Variants in ZNF324B observed in about 807,000 individuals in gnomAD.
The protein encoded by ZNF324B is zinc finger protein 324B.
Under a neutral mutation model 10.6 loss-of-function variants are expected in ZNF324B, and 7 were observed. The ratio of observed to expected loss-of-function variants is 0.66; its 90% CI spans 0.38 to 1.24. The LOEUF (loss-of-function observed/expected upper bound fraction) is 1.24. Ranked by LOEUF, ZNF324B falls within the 50% of genes most tolerant of loss-of-function variation. The probability of loss-of-function intolerance (pLI) is 0.02; values close to 1 mark genes in which losing one functional copy is unlikely to be tolerated. For missense variants in ZNF324B, 640 were observed against 764.7 expected, an observed-to-expected ratio of 0.84 and a Z score of 1.92; for synonymous variants, 316 against 321.0, an observed-to-expected ratio of 0.98 and a Z score of 0.17.
the ZNF324B span, chr19:58,437,158 C>T: frequency 6.2e-7 from 1 of 1,613,984 alleles, no homozygotes; most frequent in African/African-American, 1.3e-5. Flanking sequence ...GCCACATCTT[C>T]AAAGGTTACC....
At chr19:58,434,840 G>C in the ZNF324B span, 1 of 1,614,192 alleles carries the variant, frequency 6.2e-7, no homozygotes. Context: ...CAGCTGCCCA[G>C]GATGACCTTC....
chr19:58,443,752 G>A, the ZNF324B span: 1 of 152,242 alleles, frequency 6.6e-6, no homozygotes, highest in Non-Finnish European at 1.5e-5. Flanking sequence ...GAGTCCCAGT[G>A]GGCACTGACA....
the ZNF324B span, chr19:58,437,803 A>G: frequency 1.0e-6 from 1 of 985,422 alleles, no homozygotes; most frequent in Non-Finnish European, 1.2e-6. Context: ...AGAGGCAGTC[A>G]TAGCCCCTCA....
the ZNF324B span, chr19:58,439,856 C>G: frequency 2.2e-5 from 34 of 1,531,564 alleles, no homozygotes; most frequent in African/African-American, 2.8e-5. Flanking sequence ...GCCGCTGGGC[C>G]GAACCCTCAC....
At chr19:58,435,203 GC>G in the ZNF324B span, 1 of 1,604,358 alleles carries the variant, frequency 6.2e-7, no homozygotes, top group Non-Finnish European at 8.5e-7. Context: ...TCTACTCCAT[GC>G]CAAGAACCTG....
intron 2 of ZNF324B, 70 bp from the exon 3 acceptor site, chr19:58,454,158 A>G (rs910846510): frequency 1.0e-6 from 1 of 999,582 alleles, no homozygotes; most frequent in African/African-American, 1.6e-5. Flanking sequence ...TGAAGCCCTG[A>G]CTCCTGCTCT....
chr19:58,440,257 T>G, the ZNF324B span: 2 of 229,326 alleles, frequency 8.7e-6, no homozygotes, highest in Admixed American at 6.3e-5. Context: ...TATTTCCCTA[T>G]GCCCGTCACG....
the ZNF324B span, chr19:58,434,246 C>A: frequency 6.2e-7 from 1 of 1,614,062 alleles, no homozygotes; most frequent in East Asian, 2.2e-5. Context: ...TAAGGTCTTA[C>A]CTGTGTGTGA....
chr19:58,432,993 AC>A, the ZNF324B span: 2 of 321,498 alleles, frequency 6.2e-6, no homozygotes, highest in Non-Finnish European at 1.1e-5. Flanking sequence ...AGGCCCCTCA[AC>A]CAGCATCGGT....
the ZNF324B span, chr19:58,436,301 T>G: frequency 1.3e-5 from 2 of 154,026 alleles, no homozygotes; most frequent in Admixed American, 1.3e-4. Context: ...TGAAAACATA[T>G]AGAAATCACT....
chr19:58,427,353 T>TTTCTTTCTTTCTTTCTCTTTC, the ZNF324B span, among the ~76,000 whole-genome samples: 1 of 55,974 alleles, frequency 1.8e-5, no homozygotes, highest in Non-Finnish European at 3.4e-5. Context: ...CTCTTTCCTT[T>TTTCTTTCTTTCTTTCTCTTTC]CTTTCTTTCT....
At position 58,455,503 on chromosome 19, in the gene ZNF324B, A is replaced by G. The variant is rs1208334326; in HGVS notation, c.559A>G (p.Arg187Gly). The stretch of plus-strand genomic sequence containing the variant: ...CTTCACAGAGTACCGGGTGCCTGGG[A>G]GGCAGCCCAGGACGCCTGAGCGGCA... ...KTFTEYRVPGRQPRTPERQKP... is the reference protein window; with the variant it reads ...KTFTEYRVPGGQPRTPERQKP... Residue 187 changes from arginine (R) to glycine (G), a missense_variant, in exon 4 of 4, where the codon AGG becomes GGG. Physicochemically the swap from Arg to Gly is moderately radical, Grantham distance 125 (BLOSUM62 -2). Around this residue, in one of 3 missense-constraint regions of ZNF324B, gnomAD observed 345 missense variants for 387.9 expected, o/e 0.89. Coordinates refer to ENST00000336614, the MANE Select transcript of ZNF324B (RefSeq NM_207395.3). The surrounding 1 kb of genome is among the most constrained non-coding windows in gnomAD (Gnocchi z 7.0). 6.2e-7 allele frequency: 1 copy of G among 1,613,870 alleles called. No homozygotes were observed. The highest frequency in any genetic ancestry group is 1.3e-5 in the African/African-American group (1 of 74,906).
chr19:58,433,938 G>A, the ZNF324B span: 62 of 1,613,996 alleles, frequency 3.8e-5, no homozygotes, highest in Non-Finnish European at 5.2e-5. Context: ...GGTGCTGGAT[G>A]AGGGTGGAGC....
In ZNF324B at chr19:58,451,684, C is replaced by T. The variant is rs751532093; in HGVS notation, c.-27C>T. 2.0e-6 allele frequency: 1 copy of T among 500,756 alleles called. No homozygotes were observed. The highest frequency in any genetic ancestry group is 1.4e-5 in the South Asian group (1 of 70,684). The allele number at this position is 500,756 out of a possible 1,614,324, so 31.0% of individuals were successfully genotyped here. On this transcript the variant is annotated 5_prime_UTR_variant, in exon 1 of 4. Transcript: ENST00000336614. The stretch of plus-strand genomic sequence containing the variant: ...TGGGCTGTGGCGCGCGGGTCGGGGC[C>T]CGAGGCGGGCGGCCAGGAAGGTACG...
chr19:58,454,410 T>A, intron 3 of ZNF324B, 66 bp downstream of exon 3: 1 of 1,038,758 alleles, frequency 9.6e-7, no homozygotes. Flanking sequence ...TCCCTGCTTT[T>A]CTGACTCTGG....
At chr19:58,421,317 G>A in the ZNF324B span, among the ~76,000 whole-genome samples, 1 of 152,206 alleles carries the variant, frequency 6.6e-6, no homozygotes, top group African/African-American at 2.4e-5. Flanking sequence ...CAGACTGGCT[G>A]CTGGATAGGA....
chr19:58,448,355 T>C (rs1384097225), upstream of ZNF324B, among the ~76,000 whole-genome samples: 1 of 152,218 alleles, frequency 6.6e-6, no homozygotes, highest in African/African-American at 2.4e-5. Flanking sequence ...ATGCTTGCTA[T>C]GTTTTAGCAA....
intron 3 of ZNF324B, chr19:58,454,852 G>A: frequency 1.9e-6 from 1 of 536,178 alleles, no homozygotes. Context: ...CACCAGGGGA[G>A]AAGGGAGTGA....
chr19:58,438,472 AT>A, the ZNF324B span, among the ~76,000 whole-genome samples: 645 of 129,798 alleles, frequency 5.0e-3, 3 homozygotes, highest in Middle Eastern at 7.6e-3. Context: ...TCTAAGGTCA[AT>A]TTTTTTTTTT....
Sources: gnomAD v4.1 joint callset for allele counts (sites outside exome capture counted in the v4.1 genomes callset) on GRCh38, gnomAD v4.1.1 for gene constraint, gnomAD v4.1.1 regional missense constraint, Gnocchi (gnomAD v3.1) non-coding constraint, MANE v1.5 for transcripts, NCBI Gene and HGNC (gene_info 2026-07-23, HGNC 2026-07-21) for gene names.